The following PSMB2 variants were observed in gnomAD, a reference collection of about 807,000 sequenced individuals.
The protein encoded by PSMB2 is proteasome 20S subunit beta 2.
In PSMB2, 13 loss-of-function variants were observed where a neutral mutation model predicts 25.7. The observed-to-expected ratio is 0.51, with a 90% CI of 0.33 to 0.80. The LOEUF (loss-of-function observed/expected upper bound fraction) is 0.80, where lower values mean the gene tolerates loss of function less well. Among genes scored for constraint, PSMB2 ranks in the 30% least tolerant of loss-of-function variants. PSMB2 has a pLI of 0.02. For synonymous variants in PSMB2, 87 were observed against 96.2 expected, an observed-to-expected ratio of 0.90 and a Z score of 0.56; for missense variants, 202 against 259.0, an observed-to-expected ratio of 0.78 and a Z score of 1.51.
At chr1:35,629,810 CAA>C (rs111544640) in intron 3 of PSMB2, among the ~76,000 whole-genome samples, 1 of 125,340 alleles carries the variant, frequency 8.0e-6, no homozygotes, top group Non-Finnish European at 1.7e-5. Context: ...GACCCCGTCT[CAA>C]AAAAAAAAAG....
chr1:35,631,192 T>C, intron 3 of PSMB2, 82 bp downstream of exon 3: 5 of 1,447,322 alleles, frequency 3.5e-6, no homozygotes, highest in Non-Finnish European at 4.8e-6. Flanking sequence ...AGGGCAAAAA[T>C]ACTACTCATG....
At chr1:35,610,421 A>C (rs1016286488) in intron 3 of PSMB2, among the ~76,000 whole-genome samples, 1 of 151,308 alleles carries the variant, frequency 6.6e-6, no homozygotes, top group Non-Finnish European at 1.5e-5. Context: ...GCCTGGGTTC[A>C]AAAAAAAAGA....
chr1:35,605,528 A>G (rs1232393539), intron 4 of PSMB2, among the ~76,000 whole-genome samples: 1 of 152,264 alleles, frequency 6.6e-6, no homozygotes, highest in Non-Finnish European at 1.5e-5. Context: ...AAGGGTGAGC[A>G]TGAAGGAATT....
intron 3 of PSMB2, among the ~76,000 whole-genome samples, chr1:35,627,753 C>A (rs1275271403): frequency 2.0e-5 from 3 of 152,154 alleles, no homozygotes; most frequent in Non-Finnish European, 4.4e-5. Context: ...CCAAAGACAT[C>A]CAGCTAGTAA....
chr1:35,605,109 C>T (rs980675887), intron 5 of PSMB2, 124 bp downstream of exon 5: 3 of 827,048 alleles, frequency 3.6e-6, no homozygotes, highest in Non-Finnish European at 5.8e-6. Context: ...AACTTCACAT[C>T]TGGTTAGTGG....
chr1:35,628,594 A>ATTATATATAT (rs1173662309), intron 3 of PSMB2, among the ~76,000 whole-genome samples: 1 of 12,520 alleles, frequency 8.0e-5, no homozygotes, highest in Non-Finnish European at 1.5e-4. Context: ...AAAAAAAAAA[A>ATTATATATAT]AAATATATAT....
At chr1:35,605,352 TAAG>T in intron 4 of PSMB2, 70 bp from the exon 5 acceptor site, 1 of 1,491,796 alleles carries the variant, frequency 6.7e-7, no homozygotes, top group South Asian at 1.2e-5. Flanking sequence ...AGCTTTTGAT[TAAG>T]TTCCAAATCT....
intron 1 of PSMB2, among the ~76,000 whole-genome samples, chr1:35,639,593 G>A (rs1417044742): frequency 6.6e-6 from 1 of 152,132 alleles, no homozygotes; most frequent in Non-Finnish European, 1.5e-5. Context: ...GTAATATACT[G>A]CATCCCCTAT....
rs1386601722 is a variant in PSMB2 at position 35,601,919 on chromosome 1, T to C, written c.*1348A>G. 5.9e-5 allele frequency: 58 copies of C among 984,836 alleles called. No homozygotes were observed. Among genetic ancestry groups the C allele is most frequent in the Non-Finnish European group, 7.0e-5 (58 of 829,470 alleles). The allele number at this position is 984,836 out of a possible 1,614,324, so 61.0% of individuals were successfully genotyped here. On this transcript the variant is annotated 3_prime_UTR_variant, in exon 6 of 6. Coordinates refer to ENST00000373237, the MANE Select transcript of PSMB2 (RefSeq NM_002794.5). ...AAACGAGTAACTGGTTAACTGCCCA[T>C]GATACATCAATTTAATGGAAAATTA...
chr1:35,604,790 A>T (rs980882118), intron 5 of PSMB2, among the ~76,000 whole-genome samples: 24 of 152,322 alleles, frequency 1.6e-4, no homozygotes, highest in African/African-American at 4.8e-4. Flanking sequence ...CAAATAAAAA[A>T]ATAAAGTCTA....
chr1:35,605,336 C>T (rs1650134314), intron 4 of PSMB2, 54 bp from the exon 5 acceptor site: 1 of 1,548,206 alleles, frequency 6.5e-7, no homozygotes, highest in South Asian at 1.1e-5. Context: ...ATATCCAACT[C>T]TCAGAAGCTT....
At position 35,625,130 on chromosome 1, in the gene PSMB2, T is replaced by C. The variant is rs190674205; in HGVS notation, c.285+6144A>G. Among the ~76,000 whole-genome samples the C allele has an allele frequency of 9.9e-5, 15 of 152,250 alleles. No individual in the cohort carries two copies. The East Asian group carries it at 2.5e-3, about 25-fold the overall frequency. On this transcript the variant is annotated intron_variant, in intron 3 of 5. Transcript: ENST00000373237. ...CTGAAGCAGCTTCACAGAATAAAGT[T>C]TGAAAACCACTACATCAGGCTGGAT... is the stretch of plus-strand genomic sequence containing the variant.
chr1:35,639,123 G>A (rs957052340), intron 1 of PSMB2, among the ~76,000 whole-genome samples: 1 of 151,848 alleles, frequency 6.6e-6, no homozygotes, highest in Non-Finnish European at 1.5e-5. Context: ...GCATGGTGAC[G>A]GGCGCCTGTA....
chr1:35,623,177 C>T (rs1650744062), intron 3 of PSMB2, among the ~76,000 whole-genome samples: 1 of 152,208 alleles, frequency 6.6e-6, no homozygotes, highest in Non-Finnish European at 1.5e-5. Context: ...ACCCCCAATC[C>T]TAAGAGACTC....
chr1:35,610,710 G>A (rs1650304559), intron 3 of PSMB2, among the ~76,000 whole-genome samples: 1 of 152,130 alleles, frequency 6.6e-6, no homozygotes, highest in Admixed American at 6.5e-5. Flanking sequence ...TGGCCAGGTT[G>A]GTCTCGAACT....
chr1:35,603,421 T>A, intron 5 of PSMB2, 47 bp from the exon 6 acceptor site: 1 of 1,603,982 alleles, frequency 6.2e-7, no homozygotes, highest in Non-Finnish European at 8.5e-7. Flanking sequence ...ATTACTAAGT[T>A]CTATGTGCCA....
rs182554289 is a variant in PSMB2 at position 35,602,748 on chromosome 1, G to A, written c.*519C>T. The A allele has an allele frequency of 2.3e-5, 7 of 299,404 alleles. No individual in the cohort carries two copies. Among genetic ancestry groups the A allele is most frequent in the Non-Finnish European group, 3.0e-5 (6 of 203,050 alleles). The allele number at this position is 299,404 out of a possible 1,614,324, so 18.5% of individuals were successfully genotyped here. A position where few individuals can be genotyped will look rare whatever the true frequency, so the allele number is the denominator to read the frequency against. ...CTTGACCTCGTGATCCGCCCGCCTCGGCCTCCCAAAGTGCTGGGATTACAG... is the reference window on the plus strand; with the variant it reads ...CTTGACCTCGTGATCCGCCCGCCTCAGCCTCCCAAAGTGCTGGGATTACAG... On this transcript the variant is annotated 3_prime_UTR_variant, in exon 6 of 6. Coordinates refer to ENST00000373237, the MANE Select transcript of PSMB2 (RefSeq NM_002794.5).
chr1:35,640,318 A>G (rs1202910555), intron 1 of PSMB2, among the ~76,000 whole-genome samples: 1 of 152,190 alleles, frequency 6.6e-6, no homozygotes, highest in Non-Finnish European at 1.5e-5. Context: ...GGATTTGCAC[A>G]TAACTCATTT....
At chr1:35,608,184 G>C (rs1351169032) in intron 4 of PSMB2, among the ~76,000 whole-genome samples, 5 of 152,118 alleles carry the variant, frequency 3.3e-5, no homozygotes, top group African/African-American at 4.8e-5. Context: ...GGCCAACATG[G>C]TGAAACCCCA....
Sources: allele counts gnomAD v4.1 joint callset (sites outside exome capture counted in the v4.1 genomes callset), GRCh38; gene constraint gnomAD v4.1.1; transcripts MANE v1.5; gene names NCBI Gene and HGNC (gene_info 2026-07-23, HGNC 2026-07-21).